The following NDUFS4 variants were observed in gnomAD, a reference collection of about 807,000 sequenced individuals.
NDUFS4 encodes the protein NADH dehydrogenase [ubiquinone] iron-sulfur protein 4, mitochondrial.
In NDUFS4, 28 loss-of-function variants were observed where a neutral mutation model predicts 24.3. The ratio of observed to expected loss-of-function variants is 1.15; its 90% CI spans 0.85 to 1.58. The LOEUF (loss-of-function observed/expected upper bound fraction) is 1.58, where lower values mean the gene tolerates loss of function less well. Among genes scored for constraint, NDUFS4 ranks in the 40% most tolerant of loss-of-function variants. The pLI, the probability that NDUFS4 is intolerant of heterozygous loss-of-function variation, is 0.00. For synonymous variants in NDUFS4, 93 were observed against 69.7 expected (o/e 1.34, Z -1.67); for missense variants, 223 against 207.9 (o/e 1.07, Z -0.45).
intron 1 of NDUFS4, among the ~76,000 whole-genome samples, chr5:53,580,795 C>G (rs571690545): frequency 4.2e-5 from 6 of 141,580 alleles, no homozygotes; most frequent in African/African-American, 1.6e-4. Flanking sequence ...CTTTCTCTTT[C>G]TCTCTTTCTT....
Position 53,574,152 on chromosome 5 carries a change from T to C in NDUFS4, c.98+13392T>C, listed in dbSNP as rs139347352. 4.4e-3 allele frequency among the ~76,000 whole-genome samples: 673 copies of C among 152,342 alleles called. 5 individuals are homozygous for C. Among genetic ancestry groups the C allele is most frequent in the African/African-American group, 0.016 (648 of 41,580 alleles). ...TAAGAATGGTAACAGCAGACATTCT[T>C]TTCATTTACCAATCTTAAGGGAAAG... is the stretch of plus-strand genomic sequence containing the variant. On this transcript the variant is annotated intron_variant, in intron 1 of 4. Transcript: ENST00000296684.
intron 1 of NDUFS4, among the ~76,000 whole-genome samples, chr5:53,576,237 A>G (rs1749384861): frequency 6.6e-6 from 1 of 152,226 alleles, no homozygotes; most frequent in African/African-American, 2.4e-5. Flanking sequence ...TGTTTTGTTT[A>G]TACTCGTGTT....
intron 2 of NDUFS4, among the ~76,000 whole-genome samples, chr5:53,629,755 T>C (rs1751350573): frequency 6.6e-6 from 1 of 152,222 alleles, no homozygotes. Flanking sequence ...TATCCCTTTA[T>C]TTTGAGCCTA....
At chr5:53,590,545 A>C (rs1749915891) in intron 1 of NDUFS4, among the ~76,000 whole-genome samples, 1 of 152,214 alleles carries the variant, frequency 6.6e-6, no homozygotes, top group South Asian at 2.1e-4. Flanking sequence ...ATGAATAATC[A>C]TATTGAAGTT....
intron 1 of NDUFS4, among the ~76,000 whole-genome samples, chr5:53,575,807 G>T (rs1749367309): frequency 6.6e-6 from 1 of 152,042 alleles, no homozygotes; most frequent in South Asian, 2.1e-4. Flanking sequence ...CTCCCAAAGT[G>T]CTGGGATTAC....
At chr5:53,640,935 C>T (rs144690986) in intron 2 of NDUFS4, among the ~76,000 whole-genome samples, 2 of 152,144 alleles carry the variant, frequency 1.3e-5, no homozygotes, top group African/African-American at 4.8e-5. Context: ...GACAGAATCC[C>T]CTTAAAGACC....
rs188993339 is a variant in NDUFS4 at position 53,581,401 on chromosome 5, G to A, written c.98+20641G>A. Among the ~76,000 whole-genome samples the A allele has an allele frequency of 3.9e-5, 6 of 152,174 alleles. No homozygotes were observed. In the East Asian group the frequency reaches 1.2e-3, roughly 29 times the overall value. On this transcript the variant is annotated intron_variant, in intron 1 of 4. Coordinates refer to ENST00000296684, the MANE Select transcript of NDUFS4 (RefSeq NM_002495.4). ...TGCAAAAGTCTAAACTTCCCAGCAT[G>A]CCACAGAGTCCTTCATATTCCCTGC...
At chr5:53,669,815 T>C (rs1043918481) in intron 4 of NDUFS4, among the ~76,000 whole-genome samples, 7 of 152,194 alleles carry the variant, frequency 4.6e-5, no homozygotes, top group Non-Finnish European at 4.4e-5. Context: ...TTGGTGAATT[T>C]AGCAGCAAAT....
At chr5:53,581,944 G>A (rs938340803) in intron 1 of NDUFS4, among the ~76,000 whole-genome samples, 2 of 152,152 alleles carry the variant, frequency 1.3e-5, no homozygotes, top group Admixed American at 1.3e-4. Context: ...GGGCGTGGTG[G>A]CTCACGCCTG....
chr5:53,597,646 A>G (rs1750169796), intron 1 of NDUFS4, among the ~76,000 whole-genome samples: 1 of 152,322 alleles, frequency 6.6e-6, no homozygotes, highest in East Asian at 1.9e-4. Context: ...TACAAGATCT[A>G]TATGAAGAAA....
At chr5:53,670,837 C>G (rs1195283593) in intron 4 of NDUFS4, among the ~76,000 whole-genome samples, 1 of 151,184 alleles carries the variant, frequency 6.6e-6, no homozygotes, top group East Asian at 1.9e-4. Flanking sequence ...CTGTAGGTCT[C>G]TACAGAGATA....
intron 1 of NDUFS4, among the ~76,000 whole-genome samples, chr5:53,591,316 T>A (rs1749948459): frequency 6.6e-6 from 1 of 152,086 alleles, no homozygotes; most frequent in South Asian, 2.1e-4. Flanking sequence ...CTGGATTATA[T>A]GGTAATTTTA....
At chr5:53,650,332 A>G (rs1294929301) in intron 3 of NDUFS4, among the ~76,000 whole-genome samples, 1 of 152,226 alleles carries the variant, frequency 6.6e-6, no homozygotes, top group East Asian at 1.9e-4. Flanking sequence ...TGAGACATCT[A>G]TAACAAAAGA....
chr5:53,659,638 GT>G (rs1752270274), intron 4 of NDUFS4, among the ~76,000 whole-genome samples: 1 of 152,100 alleles, frequency 6.6e-6, no homozygotes, highest in African/African-American at 2.4e-5. Context: ...TGTTATTCTA[GT>G]TTCTCAAATT....
intron 1 of NDUFS4, among the ~76,000 whole-genome samples, chr5:53,599,498 ATTAG>A (rs1202332641): frequency 4.6e-5 from 7 of 152,138 alleles, no homozygotes; most frequent in Non-Finnish European, 7.4e-5. Flanking sequence ...CATTGCTCTA[ATTAG>A]TTCTGTTGAG....
At chr5:53,596,614 A>G (rs915901411) in intron 1 of NDUFS4, among the ~76,000 whole-genome samples, 7 of 152,186 alleles carry the variant, frequency 4.6e-5, no homozygotes, top group African/African-American at 1.7e-4. Context: ...AAAGTTTTCA[A>G]AGGTTTAATA....
chr5:53,561,005 C>T (rs186281629), intron 1 of NDUFS4, among the ~76,000 whole-genome samples: 95 of 152,272 alleles, frequency 6.2e-4, no homozygotes, highest in Non-Finnish European at 1.8e-4. Context: ...TTCGGCTTGT[C>T]GCTGAGGGAG....
intron 2 of NDUFS4, among the ~76,000 whole-genome samples, chr5:53,626,117 A>G (rs1751215540): frequency 6.6e-6 from 1 of 152,016 alleles, no homozygotes; most frequent in African/African-American, 2.4e-5. Context: ...ACTCCCACTT[A>G]TGAGTGAGAA....
intron 1 of NDUFS4, among the ~76,000 whole-genome samples, chr5:53,588,881 T>G (rs531842340): frequency 6.6e-6 from 1 of 152,212 alleles, no homozygotes; most frequent in Non-Finnish European, 1.5e-5. Context: ...CTCAGTGGTT[T>G]TAGGGCTGAT....
Sources: allele counts gnomAD v4.1 joint callset (sites outside exome capture counted in the v4.1 genomes callset), GRCh38; gene constraint gnomAD v4.1.1; transcripts MANE v1.5; gene names NCBI Gene and HGNC (gene_info 2026-07-23, HGNC 2026-07-21).